The following FOXN3 variants were observed in gnomAD, a reference collection of about 807,000 sequenced individuals.
FOXN3 encodes the protein forkhead box protein N3.
In FOXN3, 7 loss-of-function variants were observed where a neutral mutation model predicts 38.4. The ratio of observed to expected loss-of-function variants is 0.18; its 90% CI spans 0.10 to 0.34. FOXN3 has a LOEUF of 0.34. FOXN3 is among the 10% of genes least tolerant of loss of function. The probability of loss-of-function intolerance (pLI) is 1.00; values close to 1 mark genes in which losing one functional copy is unlikely to be tolerated. For synonymous variants in FOXN3, 230 were observed against 242.2 expected (o/e 0.95, Z 0.47); for missense variants, 456 against 613.4 (o/e 0.74, Z 2.71).
At chr14:89,570,027 G>T (rs1281680027) in intron 1 of FOXN3, among the ~76,000 whole-genome samples, 1 of 150,430 alleles carries the variant, frequency 6.6e-6, no homozygotes, top group Admixed American at 6.6e-5. Flanking sequence ...TTGAGACGGA[G>T]TCTCACTCTG....
At chr14:89,438,349 T>C (rs1272773494) in intron 1 of FOXN3, among the ~76,000 whole-genome samples, 3 of 152,264 alleles carry the variant, frequency 2.0e-5, no homozygotes, top group African/African-American at 7.2e-5. Flanking sequence ...ACGCCTTATA[T>C]ATGAAAGAAA....
intron 2 of FOXN3, among the ~76,000 whole-genome samples, chr14:89,352,324 G>C (rs1253728271): frequency 1.3e-5 from 2 of 152,232 alleles, no homozygotes; most frequent in Non-Finnish European, 2.9e-5. Flanking sequence ...GGAGCAGTGA[G>C]ACTTTGCAAG....
intron 3 of FOXN3, chr14:89,291,362 AC>A: frequency 1.7e-6 from 1 of 584,600 alleles, no homozygotes; most frequent in Non-Finnish European, 3.4e-6. Context: ...GCCCTGTAAC[AC>A]CCTTTCTGCA....
intron 4 of FOXN3, among the ~76,000 whole-genome samples, chr14:89,278,109 T>G (rs947973704): frequency 6.6e-6 from 1 of 152,132 alleles, no homozygotes; most frequent in Non-Finnish European, 1.5e-5. Context: ...AAAGACATAC[T>G]GGAGACTGGG....
At chr14:89,505,268 C>T (rs2150307) in intron 1 of FOXN3, among the ~76,000 whole-genome samples, 13 of 151,360 alleles carry the variant, frequency 8.6e-5, no homozygotes, top group African/African-American at 3.2e-4. Flanking sequence ...CCCTCTCCCT[C>T]TCCTTCTCCC....
At chr14:89,552,335 A>G (rs568724397) in intron 1 of FOXN3, among the ~76,000 whole-genome samples, 12 of 152,380 alleles carry the variant, frequency 7.9e-5, no homozygotes, top group Admixed American at 7.8e-4. Context: ...TGCAGTTCAC[A>G]TATGTGTCAC....
chr14:89,478,749 T>G (rs1420281975), intron 1 of FOXN3, among the ~76,000 whole-genome samples: 1 of 151,812 alleles, frequency 6.6e-6, no homozygotes, highest in Non-Finnish European at 1.5e-5. Flanking sequence ...CTGGCCAACA[T>G]GGTGAAACCC....
At chr14:89,311,623 A>T (rs913969927) in intron 3 of FOXN3, among the ~76,000 whole-genome samples, 2 of 151,552 alleles carry the variant, frequency 1.3e-5, no homozygotes, top group Non-Finnish European at 2.9e-5. Flanking sequence ...TCAGGAGGTC[A>T]AGACCATCCT....
At chr14:89,359,979 A>G (rs368011604) in intron 2 of FOXN3, among the ~76,000 whole-genome samples, 22 of 152,300 alleles carry the variant, frequency 1.4e-4, no homozygotes, top group African/African-American at 5.1e-4. Flanking sequence ...AACTTTATAG[A>G]GAGGTGGCCT....
At chr14:89,506,068 G>A (rs1200327188) in intron 1 of FOXN3, among the ~76,000 whole-genome samples, 1 of 140,290 alleles carries the variant, frequency 7.1e-6, no homozygotes, top group Non-Finnish European at 1.6e-5. Flanking sequence ...CCAGAAGGGA[G>A]GTGGGGGGGT....
chr14:89,304,748 A>T (rs1420207803), intron 3 of FOXN3, among the ~76,000 whole-genome samples: 1 of 152,076 alleles, frequency 6.6e-6, no homozygotes, highest in African/African-American at 2.4e-5. Flanking sequence ...TGGCCCCCAT[A>T]AAACTTGGCT....
At chr14:89,516,256 G>A (rs1894199975) in intron 1 of FOXN3, among the ~76,000 whole-genome samples, 1 of 152,094 alleles carries the variant, frequency 6.6e-6, no homozygotes, top group South Asian at 2.1e-4. Context: ...AGAAAAAAAT[G>A]GGATCTGGCT....
At chr14:89,592,021 T>C (rs944826503) in intron 1 of FOXN3, among the ~76,000 whole-genome samples, 1 of 152,160 alleles carries the variant, frequency 6.6e-6, no homozygotes, top group African/African-American at 2.4e-5. Flanking sequence ...CTAATTAATG[T>C]TCTAAGAGAA....
chr14:89,516,683 T>G (rs764363190), intron 1 of FOXN3, among the ~76,000 whole-genome samples: 13 of 149,858 alleles, frequency 8.7e-5, no homozygotes, highest in Non-Finnish European at 1.9e-4. Context: ...CACCTCAGCC[T>G]CCCGAGTAGC....
chr14:89,202,590 C>T (rs754149367), intron 4 of FOXN3, among the ~76,000 whole-genome samples: 6 of 152,176 alleles, frequency 3.9e-5, no homozygotes, highest in Admixed American at 2.0e-4. Context: ...GTTTGGTTCA[C>T]GGGGAGGATC....
intron 1 of FOXN3, among the ~76,000 whole-genome samples, chr14:89,463,724 C>G (rs753137419): frequency 6.6e-6 from 1 of 152,012 alleles, no homozygotes; most frequent in African/African-American, 2.4e-5. Flanking sequence ...AGGGCTCCCC[C>G]AAAAGTTTGG....
intron 1 of FOXN3, among the ~76,000 whole-genome samples, chr14:89,528,530 G>A (rs1038815592): frequency 2.0e-5 from 3 of 151,676 alleles, no homozygotes; most frequent in Non-Finnish European, 2.9e-5. Context: ...CCGAGTAGCT[G>A]GGACTACAGG....
At chr14:89,549,737 C>T (rs899455487) in intron 1 of FOXN3, among the ~76,000 whole-genome samples, 1 of 152,232 alleles carries the variant, frequency 6.6e-6, no homozygotes, top group South Asian at 2.1e-4. Context: ...ATGGCCAAGT[C>T]GCACAGGCTC....
chr14:89,240,499 C>T (rs2139865711), intron 4 of FOXN3, among the ~76,000 whole-genome samples: 1 of 152,316 alleles, frequency 6.6e-6, no homozygotes, highest in South Asian at 2.1e-4. Context: ...TACAACCATA[C>T]AGTGAAATAC....
Sources: gnomAD v4.1 joint callset for allele counts (sites outside exome capture counted in the v4.1 genomes callset) on GRCh38, gnomAD v4.1.1 for gene constraint, MANE v1.5 for transcripts, NCBI Gene and HGNC (gene_info 2026-07-23, HGNC 2026-07-21) for gene names.